EYS: variants seen among roughly 807,000 people sequenced by gnomAD.
EYS encodes the protein protein eyes shut homolog.
Under a neutral mutation model 282.1 loss-of-function variants are expected in EYS, and 250 were observed. That is an observed-to-expected ratio of 0.89 (90% CI 0.80 to 0.98). EYS has a LOEUF of 0.98. Among genes scored for constraint, EYS ranks in the 50% least tolerant of loss-of-function variants. EYS has a pLI of 0.00. For missense variants in EYS, 4,016 were observed against 3,709.0 expected, an observed-to-expected ratio of 1.08 and a Z score of -2.15; for synonymous variants, 1,355 against 1,282.9, an observed-to-expected ratio of 1.06 and a Z score of -1.20.
chr6:64,836,318 T>A (rs1251147776), intron 19 of EYS, among the ~76,000 whole-genome samples: 1 of 150,832 alleles, frequency 6.6e-6, no homozygotes, highest in South Asian at 2.1e-4. Flanking sequence ...ATACACACTA[T>A]AAATATATGG....
At chr6:64,286,268 G>T (rs1470834542) in intron 30 of EYS, among the ~76,000 whole-genome samples, 1 of 152,094 alleles carries the variant, frequency 6.6e-6, no homozygotes, top group East Asian at 1.9e-4. Flanking sequence ...TTTATCCTGA[G>T]GCCAATATAA....
Position 65,690,550 on chromosome 6 carries a change from G to A in EYS, c.-448+16585C>T, listed in dbSNP as rs192501713. On this transcript the variant is annotated intron_variant, in intron 1 of 42. Transcript: ENST00000503581. ...CTCTGCAGGCGGAAGCACATCACGC[G>A]CTGTTGGCTCATTCTGGCAGTCCAA... is the stretch of plus-strand genomic sequence containing the variant. Among the ~76,000 whole-genome samples the A allele has an allele frequency of 8.7e-5, 13 of 150,236 alleles. No homozygotes were observed. In the South Asian group the frequency reaches 1.5e-3, roughly 17 times the overall value.
intron 19 of EYS, among the ~76,000 whole-genome samples, chr6:64,872,775 C>T (rs1666229047): frequency 6.6e-6 from 1 of 151,902 alleles, no homozygotes; most frequent in African/African-American, 2.4e-5. Flanking sequence ...CAGCATGAGT[C>T]AGGAAGTCTA....
chr6:65,103,134 G>A (rs1211509827), intron 12 of EYS, among the ~76,000 whole-genome samples: 1 of 151,396 alleles, frequency 6.6e-6, no homozygotes, highest in African/African-American at 2.4e-5. Flanking sequence ...CAGTAACTGG[G>A]GAGAGGGTCA....
chr6:65,521,387 C>A lies in EYS; in HGVS notation c.-332-25394G>T, dbSNP rs532387355. On this transcript the variant is annotated intron_variant, in intron 2 of 42. Coordinates refer to ENST00000503581, the MANE Select transcript of EYS (RefSeq NM_001142800.2). ...AAAAGAAGGTAATGCTTGTTCTTATCCCACAAAATCATTGTGAGGACTAAA... is the reference window on the plus strand; with the variant it reads ...AAAAGAAGGTAATGCTTGTTCTTATACCACAAAATCATTGTGAGGACTAAA... Among the ~76,000 whole-genome samples, 8 of 152,160 alleles carry A rather than the reference C, an allele frequency of 5.3e-5. No individual in the cohort carries two copies. In the South Asian group the frequency reaches 1.5e-3, roughly 28 times the overall value.
chr6:63,830,030 A>T (rs1220011156), intron 36 of EYS, among the ~76,000 whole-genome samples: 1 of 152,248 alleles, frequency 6.6e-6, no homozygotes, highest in Non-Finnish European at 1.5e-5. Context: ...ACTAACAAAC[A>T]GAAAGGACAT....
intron 22 of EYS, among the ~76,000 whole-genome samples, chr6:64,681,871 T>A (rs1425870605): frequency 6.6e-6 from 1 of 152,186 alleles, no homozygotes; most frequent in African/African-American, 2.4e-5. Context: ...TCTTTTACAT[T>A]TGTTACACCA....
chr6:63,747,819 C>T (rs1442235972), intron 41 of EYS, among the ~76,000 whole-genome samples: 1 of 152,182 alleles, frequency 6.6e-6, no homozygotes, highest in East Asian at 1.9e-4. Flanking sequence ...TCCTTCATCC[C>T]TTTATTTTGA....
intron 8 of EYS, among the ~76,000 whole-genome samples, chr6:65,368,249 A>G (rs941238966): frequency 6.6e-6 from 1 of 151,608 alleles, no homozygotes; most frequent in Non-Finnish European, 1.5e-5. Context: ...TGGGAACTAC[A>G]AGTCAAGATG....
intron 15 of EYS, among the ~76,000 whole-genome samples, chr6:64,915,559 T>C (rs1404431496): frequency 6.6e-6 from 1 of 152,160 alleles, no homozygotes. Context: ...GTGCCTGGAA[T>C]CTGCATTGCC....
In EYS at chr6:65,692,700, T is replaced by G. The variant is rs955643368; in HGVS notation, c.-448+14435A>C. On this transcript the variant is annotated intron_variant, in intron 1 of 42. Transcript: ENST00000503581. ...TAATTTTTTTGGTTCTAACACGACA[T>G]GTAGTATTTATAAACATGTAGAACT... 5.3e-4 allele frequency among the ~76,000 whole-genome samples: 80 copies of G among 150,044 alleles called. 4 individuals are homozygous for G. The highest frequency in any genetic ancestry group is 1.9e-3 in the African/African-American group (77 of 41,194).
intron 1 of EYS, among the ~76,000 whole-genome samples, chr6:65,654,105 G>T (rs1042284621): frequency 6.6e-6 from 1 of 151,840 alleles, no homozygotes; most frequent in African/African-American, 2.4e-5. Context: ...AAATACTTCA[G>T]AGTTAGTCAT....
chr6:64,593,685 A>G (rs181641463), intron 24 of EYS, among the ~76,000 whole-genome samples: 11 of 152,342 alleles, frequency 7.2e-5, no homozygotes, highest in Admixed American at 6.5e-4. Flanking sequence ...TAAAAGTCAA[A>G]TTTAGTTGGA....
At position 64,409,781 on chromosome 6, in the gene EYS, T is replaced by C. The variant is rs971454147; in HGVS notation, c.5928-20941A>G. Among the ~76,000 whole-genome samples the C allele has an allele frequency of 2.6e-5, 4 of 152,194 alleles. No homozygotes were observed. In the South Asian group the frequency reaches 6.2e-4, roughly 24 times the overall value. On this transcript the variant is annotated intron_variant, in intron 28 of 42. Coordinates refer to ENST00000503581, the MANE Select transcript of EYS (RefSeq NM_001142800.2). ...CACACACTATGGTAATTTGTTGATATATCAATTTATGTTGATAGGTCTATA... is the reference window on the plus strand; with the variant it reads ...CACACACTATGGTAATTTGTTGATACATCAATTTATGTTGATAGGTCTATA...
chr6:64,551,915 G>C (rs1299475797), intron 26 of EYS, among the ~76,000 whole-genome samples: 1 of 152,036 alleles, frequency 6.6e-6, no homozygotes, highest in East Asian at 1.9e-4. Flanking sequence ...GATATGAGAT[G>C]GTATCTCATT....
intron 22 of EYS, among the ~76,000 whole-genome samples, chr6:64,626,552 C>T (rs1767616281): frequency 6.6e-6 from 1 of 152,120 alleles, no homozygotes; most frequent in Non-Finnish European, 1.5e-5. Flanking sequence ...AGTGTTCTTA[C>T]AAGCACAGAA....
At chr6:65,258,835 A>T (rs1047652012) in intron 12 of EYS, among the ~76,000 whole-genome samples, 2 of 152,094 alleles carry the variant, frequency 1.3e-5, no homozygotes, top group Non-Finnish European at 2.9e-5. Context: ...ACCATTTGAA[A>T]TTAACTAAAA....
At chr6:64,663,998 C>T (rs1769139888) in intron 22 of EYS, among the ~76,000 whole-genome samples, 1 of 152,178 alleles carries the variant, frequency 6.6e-6, no homozygotes, top group Non-Finnish European at 1.5e-5. Context: ...TGGCATTAGG[C>T]GCCTTGCTGG....
At chr6:65,245,553 G>GA (rs1767157986) in intron 12 of EYS, among the ~76,000 whole-genome samples, 22 of 151,860 alleles carry the variant, frequency 1.4e-4, no homozygotes, top group Admixed American at 1.4e-3. Context: ...CTCATATCAA[G>GA]GCCTTTATAT....
Sources: gnomAD v4.1 joint callset for allele counts (sites outside exome capture counted in the v4.1 genomes callset) on GRCh38, gnomAD v4.1.1 for gene constraint, MANE v1.5 for transcripts, NCBI Gene and HGNC (gene_info 2026-07-23, HGNC 2026-07-21) for gene names.